SGCZ: variants seen among roughly 807,000 people sequenced by gnomAD.
The protein encoded by SGCZ is zeta-sarcoglycan.
In SGCZ, 40 loss-of-function variants were observed where a neutral mutation model predicts 41.3. The ratio of observed to expected loss-of-function variants is 0.97; its 90% confidence interval spans 0.75 to 1.26. SGCZ has a LOEUF of 1.26. SGCZ is among the 50% of genes most tolerant of loss of function. The pLI, the probability that SGCZ is intolerant of heterozygous loss-of-function variation, is 0.00. For missense variants in SGCZ, 552 were observed against 369.8 expected (o/e 1.49, Z -4.04); for synonymous variants, 206 against 137.5 (o/e 1.50, Z -3.49).
intron 1 of SGCZ, among the ~76,000 whole-genome samples, chr8:14,954,920 C>T (rs940550952): frequency 1.3e-5 from 2 of 152,120 alleles, no homozygotes; most frequent in South Asian, 4.1e-4. Flanking sequence ...AAATTTGTAA[C>T]AGCTTATAAT....
At chr8:14,664,975 C>A (rs922595406) in intron 1 of SGCZ, among the ~76,000 whole-genome samples, 1 of 152,054 alleles carries the variant, frequency 6.6e-6, no homozygotes, top group South Asian at 2.1e-4. Flanking sequence ...TTGTGAAATA[C>A]CATTTGAATT....
At chr8:14,696,402 C>T (rs1325307788) in intron 1 of SGCZ, among the ~76,000 whole-genome samples, 2 of 152,098 alleles carry the variant, frequency 1.3e-5, no homozygotes, top group East Asian at 1.9e-4. Flanking sequence ...CCACTGATAA[C>T]AAGCTGTTTA....
chr8:14,945,907 C>T (rs1303583398), intron 1 of SGCZ, among the ~76,000 whole-genome samples: 2 of 148,274 alleles, frequency 1.3e-5, no homozygotes, highest in South Asian at 2.2e-4. Flanking sequence ...CAGACTTGCA[C>T]GGAGCCATGC....
intron 4 of SGCZ, among the ~76,000 whole-genome samples, chr8:14,171,757 G>A (rs184229102): frequency 1.0e-4 from 14 of 139,786 alleles, no homozygotes; most frequent in Admixed American, 9.9e-4. Context: ...TTTTAATAAG[G>A]ATATCTAAGC....
At chr8:15,040,722 T>C (rs1804064271) in intron 1 of SGCZ, among the ~76,000 whole-genome samples, 1 of 152,196 alleles carries the variant, frequency 6.6e-6, no homozygotes, top group Non-Finnish European at 1.5e-5. Context: ...TATAAATGTT[T>C]TCCAATAAAA....
chr8:15,218,676 C>T (rs1801495926), intron 1 of SGCZ, among the ~76,000 whole-genome samples: 1 of 152,078 alleles, frequency 6.6e-6, no homozygotes, highest in African/African-American at 2.4e-5. Flanking sequence ...TTTTTACAGC[C>T]CAATCATGTT....
intron 1 of SGCZ, among the ~76,000 whole-genome samples, chr8:14,853,119 T>C (rs1803399191): frequency 2.0e-5 from 3 of 152,172 alleles, no homozygotes; most frequent in Admixed American, 2.0e-4. Flanking sequence ...AATTAAAGCA[T>C]GCATATAAAA....
intron 5 of SGCZ, among the ~76,000 whole-genome samples, chr8:14,142,124 A>C (rs1803389463): frequency 6.6e-6 from 1 of 152,154 alleles, no homozygotes; most frequent in Non-Finnish European, 1.5e-5. Flanking sequence ...CAATGAGAGC[A>C]CTTGGACACA....
chr8:14,761,803 G>A (rs964412330), intron 1 of SGCZ, among the ~76,000 whole-genome samples: 1 of 152,036 alleles, frequency 6.6e-6, no homozygotes, highest in African/African-American at 2.4e-5. Flanking sequence ...GGGATTACAG[G>A]TGTGAAGGTG....
chr8:14,614,977 C>G (rs555259848), intron 1 of SGCZ, among the ~76,000 whole-genome samples: 4 of 142,262 alleles, frequency 2.8e-5, no homozygotes, highest in Admixed American at 7.3e-5. Context: ...TACACATGTA[C>G]ACACATATGT....
At chr8:14,395,981 A>G (rs11993983) in intron 2 of SGCZ, among the ~76,000 whole-genome samples, 6,860 of 152,272 alleles carry the variant, frequency 0.045, 503 homozygotes, top group African/African-American at 0.15. Context: ...GTCATCATTT[A>G]CATCTAATGT....
Position 14,427,389 on chromosome 8 carries a change from C to T in SGCZ, c.235-103185G>A, listed in dbSNP as rs142102165. On this transcript the variant is annotated intron_variant, in intron 2 of 7. Transcript: ENST00000382080. Reference sequence around the variant, plus strand: ...AAAAGAAAGAAAGAAAAAGAAAAAGCGTGAAGGCATTTTGTTTGGACCATG... The same window carrying T: ...AAAAGAAAGAAAGAAAAAGAAAAAGTGTGAAGGCATTTTGTTTGGACCATG... Among the ~76,000 whole-genome samples, 433 of 152,080 alleles carry T rather than the reference C, an allele frequency of 2.8e-3. 4 individuals carry two copies. Among genetic ancestry groups the T allele is most frequent in the African/African-American group, 9.6e-3 (400 of 41,518 alleles).
At chr8:14,737,131 T>A (rs536975426) in intron 1 of SGCZ, among the ~76,000 whole-genome samples, 45 of 90,316 alleles carry the variant, frequency 5.0e-4, no homozygotes, top group African/African-American at 2.0e-3. Flanking sequence ...ATCTATATAC[T>A]GGATATATAA....
intron 1 of SGCZ, among the ~76,000 whole-genome samples, chr8:15,192,148 G>C (rs1563175761): frequency 1.3e-5 from 2 of 151,934 alleles, no homozygotes; most frequent in Non-Finnish European, 2.9e-5. Flanking sequence ...AATACTATTG[G>C]CTTTTGTGCT....
intron 1 of SGCZ, among the ~76,000 whole-genome samples, chr8:15,149,845 C>G (rs1019561024): frequency 6.6e-6 from 1 of 151,362 alleles, no homozygotes; most frequent in African/African-American, 2.4e-5. Context: ...TCCAAAGATA[C>G]AGTATGAGGA....
At chr8:14,526,098 A>G (rs1268184906) in intron 2 of SGCZ, among the ~76,000 whole-genome samples, 1 of 152,150 alleles carries the variant, frequency 6.6e-6, no homozygotes, top group Non-Finnish European at 1.5e-5. Flanking sequence ...CTGAAAGTGC[A>G]CAATAGAGTA....
At chr8:14,826,008 T>C (rs1277402321) in intron 1 of SGCZ, among the ~76,000 whole-genome samples, 1 of 152,186 alleles carries the variant, frequency 6.6e-6, no homozygotes, top group Middle Eastern at 3.4e-3. Context: ...TACATATGTA[T>C]ACATGTGCCA....
At chr8:15,004,095 G>A (rs1157229875) in intron 1 of SGCZ, among the ~76,000 whole-genome samples, 2 of 152,056 alleles carry the variant, frequency 1.3e-5, no homozygotes, top group African/African-American at 2.4e-5. Flanking sequence ...AGAAATACCT[G>A]TGCAGAAAGA....
intron 2 of SGCZ, among the ~76,000 whole-genome samples, chr8:14,399,670 A>G (rs1269470543): frequency 6.6e-6 from 1 of 152,100 alleles, no homozygotes; most frequent in Admixed American, 6.6e-5. Context: ...AAAGAAGATA[A>G]TATTTTATTC....
Sources: allele counts gnomAD v4.1 joint callset (sites outside exome capture counted in the v4.1 genomes callset), GRCh38; gene constraint gnomAD v4.1.1; transcripts MANE v1.5; gene names NCBI Gene and HGNC (gene_info 2026-07-23, HGNC 2026-07-21).